DAB1: variants seen among roughly 807,000 people sequenced by gnomAD.
DAB1 encodes the protein DAB adaptor protein 1, also known as disabled homolog 1.
DAB1 carries 15 observed loss-of-function variants against 64.6 expected under a neutral mutation model. The ratio of observed to expected loss-of-function variants is 0.23; its 90% confidence interval spans 0.16 to 0.36. The LOEUF (loss-of-function observed/expected upper bound fraction) is 0.36, where lower values mean the gene tolerates loss of function less well. Among genes scored for constraint, DAB1 ranks in the 10% least tolerant of loss-of-function variants. The probability of loss-of-function intolerance (pLI) is 1.00; values close to 1 mark genes in which losing one functional copy is unlikely to be tolerated. For missense variants in DAB1, 596 were observed against 706.7 expected (o/e 0.84, Z 1.78); for synonymous variants, 235 against 251.9 (o/e 0.93, Z 0.64).
At chr1:58,475,850 A>G (rs1645413524) in intron 3 of DAB1, among the ~76,000 whole-genome samples, 1 of 152,200 alleles carries the variant, frequency 6.6e-6, no homozygotes, top group Non-Finnish European at 1.5e-5. Context: ...CAAGGCTACC[A>G]TAACATCAGA....
downstream of DAB1, among the ~76,000 whole-genome samples, chr1:57,824,243 G>A (rs779877918): frequency 9.2e-5 from 14 of 152,110 alleles, no homozygotes; most frequent in Admixed American, 2.0e-4. Flanking sequence ...TGGTTCCAGC[G>A]TCCATAGCAT....
chr1:58,045,993 T>C (rs1253856239), intron 5 of DAB1, among the ~76,000 whole-genome samples: 1 of 151,916 alleles, frequency 6.6e-6, no homozygotes, highest in Non-Finnish European at 1.5e-5. Context: ...GACTAAAATT[T>C]TCAGGGTTTT....
chr1:58,165,097 C>T (rs1468622382), intron 4 of DAB1, among the ~76,000 whole-genome samples: 4 of 152,098 alleles, frequency 2.6e-5, no homozygotes, highest in African/African-American at 4.8e-5. Context: ...GAAAGGGGCC[C>T]GGACCCCCTA....
chr1:57,338,841 C>T (rs116293058), intron 1 of DAB1, among the ~76,000 whole-genome samples: 123 of 152,232 alleles, frequency 8.1e-4, no homozygotes, highest in Non-Finnish European at 1.5e-3. Flanking sequence ...ACCAAGAATT[C>T]CTACTTTGTG....
intron 7 of DAB1, among the ~76,000 whole-genome samples, chr1:57,506,531 G>T (rs1436034275): frequency 6.6e-6 from 1 of 152,182 alleles, no homozygotes; most frequent in Non-Finnish European, 1.5e-5. Flanking sequence ...CTGTGCCTAT[G>T]CAGGGAGAAA....
At chr1:57,033,458 G>A in intron 9 of DAB1, 1 of 1,612,844 alleles carries the variant, frequency 6.2e-7, no homozygotes. Context: ...CATGACTGAT[G>A]AGCATGAAAT....
chr1:57,169,577 G>A (rs2100918068), intron 2 of DAB1, among the ~76,000 whole-genome samples: 1 of 152,246 alleles, frequency 6.6e-6, no homozygotes, highest in East Asian at 1.9e-4. Context: ...ACTTCTCTTA[G>A]ACCCTTCTGT....
chr1:58,431,714 A>G (rs1219243274), intron 3 of DAB1, among the ~76,000 whole-genome samples: 1 of 152,176 alleles, frequency 6.6e-6, no homozygotes, highest in Non-Finnish European at 1.5e-5. Context: ...GTTGTTTAAC[A>G]GTTAGCTCCC....
At chr1:57,385,505 G>A (rs965789637) in intron 1 of DAB1, among the ~76,000 whole-genome samples, 3 of 152,166 alleles carry the variant, frequency 2.0e-5, no homozygotes, top group Non-Finnish European at 4.4e-5. Context: ...CCATATGCTA[G>A]CCTTGGTTGG....
At chr1:57,686,004 G>GA (rs369791170) in intron 6 of DAB1, among the ~76,000 whole-genome samples, 3 of 150,908 alleles carry the variant, frequency 2.0e-5, no homozygotes, top group African/African-American at 4.9e-5. Flanking sequence ...AGAGGAATTA[G>GA]AAAAAAAAGA....
intron 1 of DAB1, among the ~76,000 whole-genome samples, chr1:57,313,876 G>A (rs72674837): frequency 0.098 from 14,934 of 152,168 alleles, 914 homozygotes; most frequent in Non-Finnish European, 0.15. Context: ...CCTCAGAGAA[G>A]TCCCTCACCC....
intron 5 of DAB1, among the ~76,000 whole-genome samples, chr1:58,117,620 C>A (rs1652417246): frequency 6.6e-6 from 1 of 152,178 alleles, no homozygotes; most frequent in African/African-American, 2.4e-5. Flanking sequence ...ACCGCTGTCA[C>A]ACAGAATCAA....
At chr1:57,296,201 G>A (rs1673181358) in intron 1 of DAB1, among the ~76,000 whole-genome samples, 2 of 152,148 alleles carry the variant, frequency 1.3e-5, no homozygotes, top group Non-Finnish European at 2.9e-5. Flanking sequence ...TTAAAATAGG[G>A]AAAGGAAAGC....
At chr1:57,830,953 G>A (rs922841020) in intron 1 of DAB1, among the ~76,000 whole-genome samples, 3 of 152,046 alleles carry the variant, frequency 2.0e-5, no homozygotes, top group Admixed American at 6.6e-5. Context: ...TCGCTCTGTT[G>A]CCCAGGCTGG....
chr1:57,210,839 T>C (rs1665943791), intron 2 of DAB1, among the ~76,000 whole-genome samples: 3 of 152,256 alleles, frequency 2.0e-5, no homozygotes, highest in African/African-American at 7.2e-5. Flanking sequence ...GAAATAGTTT[T>C]CACTGCCTAT....
At position 58,081,664 on chromosome 1, in the gene DAB1, C is replaced by A. The variant is rs183586296; in HGVS notation, n.387+68847G>T. Reference sequence around the variant, plus strand: ...AAGAGTTGAACCATTTGGTGAATGGCATATTTAATGGCTACCCAGTTGCCC... The same window carrying A: ...AAGAGTTGAACCATTTGGTGAATGGAATATTTAATGGCTACCCAGTTGCCC... On this transcript the variant is annotated intron_variant and non_coding_transcript_variant, in intron 5 of 20. Coordinates refer to the DAB1 transcript ENST00000485760. Among the ~76,000 whole-genome samples, 14 of 152,318 alleles carry A rather than the reference C, an allele frequency of 9.2e-5. No homozygotes were observed. The East Asian group carries it at 2.7e-3, about 29-fold the overall frequency.
intron 6 of DAB1, among the ~76,000 whole-genome samples, chr1:57,744,505 T>C (rs1338103896): frequency 1.3e-5 from 2 of 152,012 alleles, no homozygotes; most frequent in Non-Finnish European, 2.9e-5. Flanking sequence ...GTCTCCTTAA[T>C]ATATCGGCAA....
intron 7 of DAB1, among the ~76,000 whole-genome samples, chr1:57,449,394 T>C (rs1686266582): frequency 6.6e-6 from 1 of 151,706 alleles, no homozygotes; most frequent in African/African-American, 2.4e-5. Flanking sequence ...CTTTTTTTTT[T>C]TTTTTGACGT....
At position 58,092,037 on chromosome 1, in the gene DAB1, T is replaced by A. The variant is rs1358253788; in HGVS notation, n.387+58474A>T. 2.6e-5 allele frequency among the ~76,000 whole-genome samples: 4 copies of A among 151,568 alleles called. No individual in the cohort carries two copies. In the South Asian group the frequency reaches 8.3e-4, roughly 32 times the overall value. On this transcript the variant is annotated intron_variant and non_coding_transcript_variant, in intron 5 of 20. Transcript: ENST00000485760. ...ATCTCAAGTTTCCAAGATTGGGTAA[T>A]TAAAAATTCAATGCCATCACCGGGA...
Sources: allele counts gnomAD v4.1 joint callset (sites outside exome capture counted in the v4.1 genomes callset), GRCh38; gene constraint gnomAD v4.1.1; transcripts MANE v1.5; gene names NCBI Gene and HGNC (gene_info 2026-07-23, HGNC 2026-07-21).